The following UBE3B variants were observed in gnomAD, a reference collection of about 807,000 sequenced individuals.
The protein encoded by UBE3B is ubiquitin protein ligase E3B.
A neutral mutation model predicts 132.3 loss-of-function variants in UBE3B; 80 were observed. The observed-to-expected ratio is 0.60, with a 90% CI of 0.50 to 0.73. UBE3B has a LOEUF of 0.73. Ranked by LOEUF, UBE3B falls within the 30% of genes least tolerant of loss-of-function variation. The pLI, the probability that UBE3B is intolerant of heterozygous loss-of-function variation, is 0.00. For missense variants in UBE3B, 1,196 were observed against 1,362.5 expected (o/e 0.88, Z 1.92); for synonymous variants, 487 against 520.4 (o/e 0.94, Z 0.87).
intron 3 of UBE3B, 26 bp downstream of exon 3, chr12:109,483,738 A>G (rs368120913): frequency 8.9e-6 from 14 of 1,576,432 alleles, no homozygotes; most frequent in African/African-American, 4.1e-5. Flanking sequence ...TCCCTAGCAC[A>G]TGATTCTCTG....
chr12:109,510,162 T>C (rs529413628), intron 16 of UBE3B, among the ~76,000 whole-genome samples, 182 bp from the exon 17 acceptor site: 25 of 152,234 alleles, frequency 1.6e-4, no homozygotes, highest in Middle Eastern at 3.4e-3. Flanking sequence ...GTCTGAGAGG[T>C]ACTCAGGCCC....
downstream of UBE3B, among the ~76,000 whole-genome samples, chr12:109,539,921 A>G (rs1414183725): frequency 6.6e-6 from 1 of 151,784 alleles, no homozygotes; most frequent in African/African-American, 2.4e-5. Flanking sequence ...TGACAGTCCA[A>G]GTGTTTTCTG....
At chr12:109,539,658 C>T (rs768502773), downstream of UBE3B, among the ~76,000 whole-genome samples, 12 of 152,218 alleles carry the variant, frequency 7.9e-5, no homozygotes, top group African/African-American at 2.7e-4. Context: ...GCTGTGATAA[C>T]TGTCATTATT....
Position 109,516,846 on chromosome 12 carries a change from G to A in UBE3B, c.2038G>A (p.Val680Ile). The A allele has an allele frequency of 6.2e-7, 1 of 1,614,080 alleles. No individual in the cohort carries two copies. Among genetic ancestry groups the A allele is most frequent in the Non-Finnish European group, 8.5e-7 (1 of 1,180,032 alleles). Reference protein sequence around the residue: ...LVETSSASPHVTHITIRRSRM... With the variant: ...LVETSSASPHITHITIRRSRM... ...GGAAACCAGCTCTGCCTCCCCGCAT[G>A]TCACTCACATCACCATCCGCCGGTC... Residue 680 changes from valine to isoleucine, a missense_variant, in exon 19 of 28, where the codon GTC becomes ATC. By Grantham distance (29) the Val-to-Ile change is conservative. Transcript: ENST00000342494.
intron 18 of UBE3B, among the ~76,000 whole-genome samples, chr12:109,515,359 GTT>G (rs5800863): frequency 1.3e-5 from 2 of 150,834 alleles, no homozygotes; most frequent in African/African-American, 4.8e-5. Flanking sequence ...TATTATTACT[GTT>G]TTTTTGTTGT....
intron 25 of UBE3B, 46 bp from the exon 26 acceptor site, chr12:109,530,501 T>G (rs1198935461): frequency 1.9e-6 from 3 of 1,560,370 alleles, no homozygotes; most frequent in Non-Finnish European, 2.6e-6. Context: ...TGTCCATAAG[T>G]GCCCACGCTA....
chr12:109,534,144 C>T lies in UBE3B; in HGVS notation c.3016-447C>T. On this transcript the variant is annotated intron_variant, in intron 27 of 27. Transcript: ENST00000342494. This position sits in a 1 kb window ranked among gnomAD's most constrained non-coding sequence, Gnocchi z 5.2. The stretch of plus-strand genomic sequence containing the variant: ...ATGATGCAGTTTGAGCCCGTGATGC[C>T]ACCTTGTACAGGAAGCTACACAGTC... 2 of 1,289,034 alleles carry T rather than the reference C, an allele frequency of 1.6e-6. No individual in the cohort carries two copies. The highest frequency in any genetic ancestry group is 2.5e-5 in the South Asian group (2 of 79,292). 79.8% of individuals were successfully genotyped at this position (1,289,034 alleles called of 1,614,324 possible).
At chr12:109,528,758 G>A (rs1179132439) in intron 24 of UBE3B, among the ~76,000 whole-genome samples, 1 of 151,896 alleles carries the variant, frequency 6.6e-6, no homozygotes. Flanking sequence ...ACTGAGGCAG[G>A]AAAATCACTT....
Position 109,524,024 on chromosome 12 carries a change from T to A in UBE3B, c.2411T>A (p.Leu804Gln). The change falls in exon 22 of 28, where the codon CTG becomes CAG. Residue 804 changes from leucine to glutamine, a missense_variant. Coordinates refer to ENST00000342494, the MANE Select transcript of UBE3B (RefSeq NM_130466.4). ...VPFASFFLSQ[L>Q]LGHHHSVFYS... is the part of the protein sequence containing the mutation. Reference sequence around the variant, plus strand: ...TTTGCATCCTTCTTCCTGAGCCAACTGCTTGGGCACCACCACAGCGTCTTC... The same window carrying A: ...TTTGCATCCTTCTTCCTGAGCCAACAGCTTGGGCACCACCACAGCGTCTTC... 1 of 1,614,180 alleles carries A rather than the reference T, an allele frequency of 6.2e-7. No individual in the cohort carries two copies. The highest frequency in any genetic ancestry group is 1.3e-5 in the African/African-American group (1 of 75,052).
rs1324580287 is a variant in UBE3B at position 109,524,084 on chromosome 12, C to G, written c.2471C>G (p.Ser824Cys). 1 of 1,614,192 alleles carries G rather than the reference C, an allele frequency of 6.2e-7. No individual in the cohort carries two copies. The highest frequency in any genetic ancestry group is 8.5e-7 in the Non-Finnish European group (1 of 1,180,042). ...GTGGATGAACTGCCTTCTCTGGACT[C>G]CGAGTTCTATAAAAACCTCACCTCC... ...SSVDELPSLD[S>C]EFYKNLTSIK... The change falls in exon 22 of 28, where the codon TCC (serine) becomes TGC (cysteine). Residue 824 changes from serine to cysteine, a missense_variant. Ser to Cys is a moderately radical substitution (Grantham distance 112). Coordinates refer to ENST00000342494, the MANE Select transcript of UBE3B (RefSeq NM_130466.4).
intron 16 of UBE3B, 107 bp from the exon 17 acceptor site, chr12:109,510,237 C>T (rs111256223): frequency 3.3e-5 from 29 of 872,594 alleles, no homozygotes; most frequent in African/African-American, 1.5e-4. Context: ...TAATTCAGAG[C>T]GAGGGAGATC....
intron 7 of UBE3B, among the ~76,000 whole-genome samples, chr12:109,489,225 G>A (rs1386823881): frequency 2.0e-5 from 3 of 152,172 alleles, no homozygotes; most frequent in African/African-American, 4.8e-5. Flanking sequence ...CTTAAAGTCC[G>A]ATGAGGAAAA....
chr12:109,528,313 C>G, intron 24 of UBE3B: 26 of 985,050 alleles, frequency 2.6e-5, no homozygotes, highest in Non-Finnish European at 3.0e-5. Context: ...CCTTCCTCTC[C>G]CCCTTTCTCA....
At chr12:109,546,168 A>G in the UBE3B span, among the ~76,000 whole-genome samples, 1 of 152,100 alleles carries the variant, frequency 6.6e-6, no homozygotes, top group Non-Finnish European at 1.5e-5. Context: ...ACATCTTAAC[A>G]GTGATGGTGA....
chr12:109,518,401 A>C (rs1457608467), intron 19 of UBE3B, among the ~76,000 whole-genome samples: 1 of 152,200 alleles, frequency 6.6e-6, no homozygotes, highest in Non-Finnish European at 1.5e-5. Flanking sequence ...GAACTAATTG[A>C]ACTCTGTAAA....
downstream of UBE3B, among the ~76,000 whole-genome samples, chr12:109,537,241 G>A (rs60197450): frequency 0.016 from 2,510 of 152,202 alleles, 84 homozygotes; most frequent in African/African-American, 0.058. Context: ...GGTGTGCCAG[G>A]CGTTGTTCCC....
At chr12:109,507,412 G>A in intron 14 of UBE3B, 152 bp from the exon 15 acceptor site, 1 of 795,776 alleles carries the variant, frequency 1.3e-6, no homozygotes, top group Non-Finnish European at 2.0e-6. Context: ...CTCTCGTGGT[G>A]ATAATGCTTT....
intron 9 of UBE3B, among the ~76,000 whole-genome samples, chr12:109,494,507 G>A (rs1430469936): frequency 6.6e-6 from 1 of 152,072 alleles, no homozygotes; most frequent in Non-Finnish European, 1.5e-5. Context: ...TCTGTTAGCA[G>A]GGACTGTGCA....
chr12:109,488,599 A>C lies in UBE3B; in HGVS notation c.475A>C (p.Ile159Leu). 1 of 1,614,132 alleles carries C rather than the reference A, an allele frequency of 6.2e-7. No individual in the cohort carries two copies. The highest frequency in any genetic ancestry group is 8.5e-7 in the Non-Finnish European group (1 of 1,179,978). The change falls in exon 7 of 28, where the codon ATC (isoleucine) becomes CTC (leucine). Residue 159 changes from isoleucine (I) to leucine (L), a missense_variant. By Grantham distance (5) the Ile-to-Leu change is conservative. Transcript: ENST00000342494. ...KPEILQDSRL[I>L]TLYLTMLVTF... is the part of the protein sequence containing the mutation. ...TGAAATCCTGCAGGACTCCCGACTC[A>C]TCACCCTGTACCTCACGATGCTTGT...
Sources: gnomAD v4.1 joint callset for allele counts (sites outside exome capture counted in the v4.1 genomes callset) on GRCh38, gnomAD v4.1.1 for gene constraint, Gnocchi (gnomAD v3.1) non-coding constraint, MANE v1.5 for transcripts, NCBI Gene and HGNC (gene_info 2026-07-23, HGNC 2026-07-21) for gene names.